YPEL2: variants seen among roughly 807,000 people sequenced by gnomAD.
YPEL2 encodes the protein yippee like 2, also known as protein yippee-like 2.
YPEL2 carries 2 observed loss-of-function variants against 19.1 expected under a neutral mutation model. The ratio of observed to expected loss-of-function variants is 0.10; its 90% CI spans 0.04 to 0.33. The LOEUF (loss-of-function observed/expected upper bound fraction) is 0.33. YPEL2 is among the 10% of genes least tolerant of loss of function. The pLI is 1.00. For synonymous variants in YPEL2, 52 were observed against 50.0 expected (o/e 1.04, Z -0.17); for missense variants, 66 against 140.7 (o/e 0.47, Z 2.68).
chr17:59,363,299 C>CTT (rs372443124), intron 2 of YPEL2: 4 of 147,586 alleles, frequency 2.7e-5, no homozygotes, highest in African/African-American at 5.1e-5. Flanking sequence ...AAGACTTACC[C>CTT]TTTTTTTTTT....
chr17:59,336,684 A>C lies in YPEL2; in HGVS notation c.-196+4860A>C, dbSNP rs184469506. Among the ~76,000 whole-genome samples, 187 of 152,324 alleles carry C rather than the reference A, an allele frequency of 1.2e-3. No homozygotes were observed. The Middle Eastern group carries it at 0.02, about 17-fold the overall frequency. ...AGTGCTAGCTATTAATAACAGCACT[A>C]ACATTAATAGGTGGATTCCCCTCTC... On this transcript the variant is annotated intron_variant, in intron 1 of 4. Coordinates refer to ENST00000312655, the MANE Select transcript of YPEL2 (RefSeq NM_001005404.4).
At chr17:59,380,777 G>A (rs1013025598) in intron 2 of YPEL2, among the ~76,000 whole-genome samples, 9 of 152,158 alleles carry the variant, frequency 5.9e-5, no homozygotes, top group Non-Finnish European at 4.4e-5. Context: ...GGTAAATTGG[G>A]GAAGCAAGTG....
chr17:59,372,289 C>G (rs1429037712), intron 2 of YPEL2, among the ~76,000 whole-genome samples: 6 of 152,196 alleles, frequency 3.9e-5, no homozygotes, highest in Admixed American at 6.5e-5. Context: ...GTAGCACTTC[C>G]TGCTTGGCAG....
intron 1 of YPEL2, chr17:59,345,062 A>G (rs981058069): frequency 1.1e-4 from 17 of 152,190 alleles, no homozygotes; most frequent in African/African-American, 4.1e-4. Flanking sequence ...ACAGTTCACA[A>G]TAGGGTTCGC....
chr17:59,363,958 C>T (rs1382245483), intron 2 of YPEL2, among the ~76,000 whole-genome samples: 1 of 152,162 alleles, frequency 6.6e-6, no homozygotes, highest in Non-Finnish European at 1.5e-5. Context: ...TCTTGAAGAC[C>T]AGTTCACATC....
At chr17:59,361,451 CA>C (rs1224170875) in intron 2 of YPEL2, among the ~76,000 whole-genome samples, 1 of 152,188 alleles carries the variant, frequency 6.6e-6, no homozygotes, top group Non-Finnish European at 1.5e-5. Context: ...TCTCTTAAAG[CA>C]GTTATCACAG....
At chr17:59,389,712 G>A (rs3816432) in intron 4 of YPEL2, among the ~76,000 whole-genome samples, 32,690 of 150,964 alleles carry the variant, frequency 0.22, 4,267 homozygotes, top group East Asian at 0.44. Context: ...AATAGTAATG[G>A]CATATAACCT....
Position 59,388,368 on chromosome 17 carries a change from A to T in YPEL2, c.159A>T (p.Ser53=). The T allele has an allele frequency of 6.2e-7, 1 of 1,614,146 alleles. No homozygotes were observed. Among genetic ancestry groups the T allele is most frequent in the Non-Finnish European group, 8.5e-7 (1 of 1,179,972 alleles). ...AAGGACGAGCATACCTCTTTAACTC[A>T]GTGTGAGTGCCTCTGAATGGTACAT... ...GSQGRAYLFN[S]VVNVGCGPAE... The change falls in exon 3 of 5, where the codon TCA becomes TCT. Residue 53 remains serine (S), a splice_region_variant and synonymous_variant. Coordinates refer to ENST00000312655, the MANE Select transcript of YPEL2 (RefSeq NM_001005404.4).
At chr17:59,373,018 C>T (rs774476029) in intron 2 of YPEL2, among the ~76,000 whole-genome samples, 10 of 152,162 alleles carry the variant, frequency 6.6e-5, no homozygotes, top group Admixed American at 5.2e-4. Flanking sequence ...GGATTACAGG[C>T]GTGTGCCACC....
At chr17:59,349,455 C>T (rs995714127) in intron 1 of YPEL2, among the ~76,000 whole-genome samples, 2 of 151,160 alleles carry the variant, frequency 1.3e-5, no homozygotes, top group Non-Finnish European at 2.9e-5. Flanking sequence ...CTGCCTCAGC[C>T]TCTCGAGTAG....
At position 59,360,044 on chromosome 17, in the gene YPEL2, C is replaced by T. The variant is rs183383264; in HGVS notation, c.117+6518C>T. Among the ~76,000 whole-genome samples, 9 of 152,350 alleles carry T rather than the reference C, an allele frequency of 5.9e-5. No individual in the cohort carries two copies. The East Asian group carries it at 1.7e-3, about 29-fold the overall frequency. On this transcript the variant is annotated intron_variant, in intron 2 of 4. Transcript: ENST00000312655. The stretch of plus-strand genomic sequence containing the variant: ...CCTTCTGAGTAGCTGGGATTACAGG[C>T]ATGCGCCACCACACCCAGGTAATTT...
intron 1 of YPEL2, among the ~76,000 whole-genome samples, chr17:59,335,373 C>G (rs2047693688): frequency 1.3e-5 from 2 of 152,098 alleles, no homozygotes; most frequent in African/African-American, 4.8e-5. Context: ...TTGTAGGCAC[C>G]ACACGGCTTG....
chr17:59,349,286 G>A (rs2147938351), intron 1 of YPEL2, among the ~76,000 whole-genome samples: 1 of 150,566 alleles, frequency 6.6e-6, no homozygotes, highest in Admixed American at 6.6e-5. Context: ...TTGATTTTTT[G>A]GTCCCCATCT....
chr17:59,392,667 C>G (rs1273013876), intron 4 of YPEL2, among the ~76,000 whole-genome samples: 1 of 152,008 alleles, frequency 6.6e-6, no homozygotes, highest in African/African-American at 2.4e-5. Flanking sequence ...TGCGCCACCA[C>G]GCCCAGCTAA....
At chr17:59,337,806 C>T (rs1484884963) in intron 1 of YPEL2, among the ~76,000 whole-genome samples, 1 of 152,172 alleles carries the variant, frequency 6.6e-6, no homozygotes, top group Non-Finnish European at 1.5e-5. Context: ...GATATACACA[C>T]TGAGGTTCAA....
At chr17:59,396,819 T>C (rs1409434011) in intron 4 of YPEL2, among the ~76,000 whole-genome samples, 1 of 152,076 alleles carries the variant, frequency 6.6e-6, no homozygotes, top group African/African-American at 2.4e-5. Context: ...TCACCTGAGC[T>C]CCGGAGTTAG....
intron 2 of YPEL2, among the ~76,000 whole-genome samples, chr17:59,368,707 G>T (rs941066175): frequency 1.3e-5 from 2 of 152,186 alleles, no homozygotes; most frequent in Non-Finnish European, 2.9e-5. Flanking sequence ...GGCCTAGAAG[G>T]CCAAACTAAG....
At chr17:59,344,440 G>A (rs964113285) in intron 1 of YPEL2, among the ~76,000 whole-genome samples, 8 of 152,288 alleles carry the variant, frequency 5.3e-5, no homozygotes, top group African/African-American at 1.9e-4. Context: ...GCAACTGAAG[G>A]CAGCACCAAG....
intron 1 of YPEL2, among the ~76,000 whole-genome samples, chr17:59,350,426 C>T (rs2047782081): frequency 6.6e-6 from 1 of 152,078 alleles, no homozygotes; most frequent in Non-Finnish European, 1.5e-5. Flanking sequence ...TATTTAAGAG[C>T]AATGGGGAGC....
Sources: allele counts gnomAD v4.1 joint callset (sites outside exome capture counted in the v4.1 genomes callset), GRCh38; gene constraint gnomAD v4.1.1; transcripts MANE v1.5; gene names NCBI Gene and HGNC (gene_info 2026-07-23, HGNC 2026-07-21).